Variants in ADAMTS19 observed in about 807,000 individuals in gnomAD.
ADAMTS19 encodes ADAM metallopeptidase with thrombospondin type 1 motif 19, also known as A disintegrin and metalloproteinase with thrombospondin motifs 19.
In ADAMTS19, 93 loss-of-function variants were observed where a neutral mutation model predicts 153.3. The observed-to-expected ratio is 0.61, with a 90% confidence interval of 0.51 to 0.72. ADAMTS19 has a LOEUF of 0.72. Ranked by LOEUF, ADAMTS19 falls within the 30% of genes least tolerant of loss-of-function variation. The pLI, the probability that ADAMTS19 is intolerant of heterozygous loss-of-function variation, is 0.00. For missense variants in ADAMTS19, 1,482 were observed against 1,552.1 expected, an observed-to-expected ratio of 0.95 and a Z score of 0.76; for synonymous variants, 600 against 556.6, an observed-to-expected ratio of 1.08 and a Z score of -1.10.
chr5:129,658,854 TATTAA>T lies in ADAMTS19; in HGVS notation c.2425+122_2425+126del, dbSNP rs1452509229. The T allele has an allele frequency of 5.4e-6, 6 of 1,110,940 alleles. No individual in the cohort carries two copies. The African/African-American group carries it at 7.9e-5, about 15-fold the overall frequency. The allele number at this position is 1,110,940 out of a possible 1,614,324, so 68.8% of individuals were successfully genotyped here. On this transcript the variant is annotated intron_variant, in intron 15 of 22. Coordinates refer to ENST00000274487, the MANE Select transcript of ADAMTS19 (RefSeq NM_133638.6). ...AATTCTATTGAAGACTTGCAATGGG[TATTAA>T]ATTATTTTTGTGATGACATACAATA...
intron 21 of ADAMTS19, among the ~76,000 whole-genome samples, chr5:129,704,932 C>T (rs1427894260): frequency 3.3e-5 from 5 of 152,150 alleles, no homozygotes; most frequent in East Asian, 3.9e-4. Context: ...GTTTAATTCA[C>T]GATAACAGTA....
chr5:129,495,605 G>A (rs1283771107), intron 2 of ADAMTS19, among the ~76,000 whole-genome samples: 2 of 152,066 alleles, frequency 1.3e-5, no homozygotes, highest in Non-Finnish European at 2.9e-5. Flanking sequence ...TTGCCTCAGA[G>A]TAGTGATTAC....
At chr5:129,595,526 A>G (rs1281786502) in intron 7 of ADAMTS19, among the ~76,000 whole-genome samples, 2 of 152,284 alleles carry the variant, frequency 1.3e-5, no homozygotes, top group Admixed American at 1.3e-4. Context: ...TCAGTTGACC[A>G]TCTTTAATTA....
intron 3 of ADAMTS19, 86 bp downstream of exon 3, chr5:129,509,328 C>T: frequency 2.6e-6 from 3 of 1,170,482 alleles, no homozygotes; most frequent in Non-Finnish European, 1.2e-6. Context: ...TATTTACTAG[C>T]TTTACTTATT....
At chr5:129,727,335 T>A (rs926671502) in intron 21 of ADAMTS19, among the ~76,000 whole-genome samples, 1 of 152,140 alleles carries the variant, frequency 6.6e-6, no homozygotes, top group Non-Finnish European at 1.5e-5. Flanking sequence ...GATCACCCTA[T>A]CTAAAGATGA....
At chr5:129,695,211 T>G (rs1430439244) in intron 19 of ADAMTS19, among the ~76,000 whole-genome samples, 1 of 152,112 alleles carries the variant, frequency 6.6e-6, no homozygotes, top group Non-Finnish European at 1.5e-5. Context: ...TTGCCCACAG[T>G]AACATAAACC....
chr5:129,461,385 G>A lies in ADAMTS19; in HGVS notation c.375G>A (p.Ser125=), dbSNP rs1039771898. The part of the protein sequence containing the change: ...SEGEEDEELE[S]QELPRGSSGA... ...GTGAGGAGGACGAGGAGCTCGAGTC[G>A]CAGGAGCTGCCGCGGGGATCCAGCG... The change falls in exon 2 of 23, where the codon TCG becomes TCA. Residue 125 remains serine (S), a synonymous_variant. Coordinates refer to ENST00000274487, the MANE Select transcript of ADAMTS19 (RefSeq NM_133638.6). This position sits in a 1 kb window ranked among gnomAD's most constrained non-coding sequence, Gnocchi z 4.6. The A allele has an allele frequency of 2.2e-6, 3 of 1,349,814 alleles. No homozygotes were observed. Among genetic ancestry groups the A allele is most frequent in the African/African-American group, 3.1e-5 (2 of 64,878 alleles). 83.6% of individuals were successfully genotyped at this position (1,349,814 alleles called of 1,614,324 possible).
intron 21 of ADAMTS19, among the ~76,000 whole-genome samples, chr5:129,715,421 C>T (rs1331175801): frequency 6.6e-6 from 1 of 152,126 alleles, no homozygotes; most frequent in African/African-American, 2.4e-5. Flanking sequence ...AATTCTGTAT[C>T]TTCTAAGTTA....
chr5:129,568,477 C>T lies in ADAMTS19; in HGVS notation c.1372+16570C>T, dbSNP rs953389372. Among the ~76,000 whole-genome samples, 11 of 151,874 alleles carry T rather than the reference C, an allele frequency of 7.2e-5. 1 individual carries two copies. The highest frequency in any genetic ancestry group is 2.7e-4 in the African/African-American group (11 of 41,342). Reference sequence around the variant, plus strand: ...AGGGTGAATATTATGTAATGTAAAACCTATGGGAAGCAACCACTAAAAATA... The same window carrying T: ...AGGGTGAATATTATGTAATGTAAAATCTATGGGAAGCAACCACTAAAAATA... On this transcript the variant is annotated intron_variant, in intron 7 of 22. Transcript: ENST00000274487.
intron 8 of ADAMTS19, among the ~76,000 whole-genome samples, chr5:129,605,374 A>G (rs1750843064): frequency 6.6e-6 from 1 of 151,950 alleles, no homozygotes; most frequent in Non-Finnish European, 1.5e-5. Flanking sequence ...CTTTGTTGAA[A>G]CTCAAACATA....
chr5:129,481,216 AG>A (rs1289984220), intron 2 of ADAMTS19, among the ~76,000 whole-genome samples: 10 of 152,168 alleles, frequency 6.6e-5, no homozygotes, highest in Non-Finnish European at 1.5e-5. Flanking sequence ...AAGGGGGAAC[AG>A]GCACCTTCTT....
chr5:129,637,659 A>G (rs958343593), intron 10 of ADAMTS19, among the ~76,000 whole-genome samples: 7 of 152,208 alleles, frequency 4.6e-5, no homozygotes, highest in African/African-American at 1.7e-4. Flanking sequence ...AGCCTGGCCA[A>G]CTTGGCAAAA....
intron 20 of ADAMTS19, 102 bp downstream of exon 20, chr5:129,701,694 T>C (rs1430758891): frequency 1.6e-6 from 2 of 1,237,806 alleles, no homozygotes; most frequent in Admixed American, 3.4e-5. Context: ...GTTGATATTT[T>C]TCTATACTAT....
chr5:129,680,776 CA>C (rs551460047), intron 17 of ADAMTS19, among the ~76,000 whole-genome samples: 21,748 of 135,384 alleles, frequency 0.16, 1,739 homozygotes, highest in East Asian at 0.31. Flanking sequence ...AAAAAAAAAA[CA>C]AAAAAAAAAA....
At chr5:129,516,845 G>C (rs985593988) in intron 3 of ADAMTS19, among the ~76,000 whole-genome samples, 1 of 114,730 alleles carries the variant, frequency 8.7e-6, no homozygotes, top group Non-Finnish European at 1.9e-5. Context: ...AGTTTGGTTT[G>C]TTCTTACTAT....
intron 7 of ADAMTS19, among the ~76,000 whole-genome samples, chr5:129,580,930 G>A (rs1298381561): frequency 6.6e-6 from 1 of 152,166 alleles, no homozygotes; most frequent in Non-Finnish European, 1.5e-5. Flanking sequence ...TTTGGTATCA[G>A]GATGATGCTG....
intron 10 of ADAMTS19, among the ~76,000 whole-genome samples, chr5:129,631,564 A>G (rs564586110): frequency 6.6e-6 from 1 of 151,914 alleles, no homozygotes; most frequent in Admixed American, 6.6e-5. Flanking sequence ...TTCTTGATGC[A>G]TTATGTCTTC....
At chr5:129,490,061 G>C (rs1158106667) in intron 2 of ADAMTS19, among the ~76,000 whole-genome samples, 1 of 152,050 alleles carries the variant, frequency 6.6e-6, no homozygotes, top group East Asian at 1.9e-4. Context: ...TGTACTCATG[G>C]GCAATTTGTA....
At chr5:129,548,917 A>G (rs1367515162) in intron 6 of ADAMTS19, among the ~76,000 whole-genome samples, 4 of 150,944 alleles carry the variant, frequency 2.6e-5, no homozygotes, top group African/African-American at 9.7e-5. Context: ...TCAGCAAACT[A>G]TCGCAAGGAC....
Sources: gnomAD v4.1 joint callset for allele counts (sites outside exome capture counted in the v4.1 genomes callset) on GRCh38, gnomAD v4.1.1 for gene constraint, Gnocchi (gnomAD v3.1) non-coding constraint, MANE v1.5 for transcripts, NCBI Gene and HGNC (gene_info 2026-07-23, HGNC 2026-07-21) for gene names.